TIMP2: variants seen among roughly 807,000 people sequenced by gnomAD.
TIMP2 encodes the protein metalloproteinase inhibitor 2.
In TIMP2, 5 loss-of-function variants were observed where a neutral mutation model predicts 24.3. That is an observed-to-expected ratio of 0.21 (90% CI 0.11 to 0.43). The LOEUF (loss-of-function observed/expected upper bound fraction) is 0.43. TIMP2 is among the 20% of genes least tolerant of loss of function. The pLI, the probability that TIMP2 is intolerant of heterozygous loss-of-function variation, is 1.00. For missense variants in TIMP2, 221 were observed against 297.5 expected, an observed-to-expected ratio of 0.74 and a Z score of 1.89; for synonymous variants, 130 against 123.2, an observed-to-expected ratio of 1.06 and a Z score of -0.37.
chr17:78,925,174 G>T lies in TIMP2; in HGVS notation c.-86C>A. 4 of 437,184 alleles carry T rather than the reference G, an allele frequency of 9.1e-6. No homozygotes were observed. The highest frequency in any genetic ancestry group is 1.2e-5 in the Non-Finnish European group (4 of 331,356). 27.1% of individuals were successfully genotyped at this position (437,184 alleles called of 1,614,324 possible). ...GCGGCGGGCTGGGGGCGCGGGCGGGGGCTGAGCCGGGGCCGAGGCGGGCCC... is the reference window on the plus strand; with the variant it reads ...GCGGCGGGCTGGGGGCGCGGGCGGGTGCTGAGCCGGGGCCGAGGCGGGCCC... On this transcript the variant is annotated 5_prime_UTR_variant, in exon 1 of 5. Transcript: ENST00000262768.
intron 1 of TIMP2, among the ~76,000 whole-genome samples, chr17:78,886,618 C>G (rs2069827498): frequency 6.6e-6 from 1 of 152,148 alleles, no homozygotes. Context: ...CAGTTTCCTT[C>G]TTAATCATGT....
At chr17:78,856,714 G>T (rs756234343) in intron 4 of TIMP2, 1 of 152,230 alleles carries the variant, frequency 6.6e-6, no homozygotes, top group South Asian at 2.1e-4. Flanking sequence ...CACAACCTCC[G>T]GGCTCATTTT....
intron 1 of TIMP2, among the ~76,000 whole-genome samples, chr17:78,918,076 A>ACATACT (rs2070277805): frequency 6.8e-6 from 1 of 146,208 alleles, no homozygotes; most frequent in Non-Finnish European, 1.5e-5. Flanking sequence ...ACACACACAC[A>ACATACT]CACACACACA....
At chr17:78,919,644 C>G (rs1008108593) in intron 1 of TIMP2, among the ~76,000 whole-genome samples, 1 of 152,134 alleles carries the variant, frequency 6.6e-6, no homozygotes, top group African/African-American at 2.4e-5. Context: ...ACCATCCCGG[C>G]TAACACGGTG....
intron 1 of TIMP2, among the ~76,000 whole-genome samples, chr17:78,885,746 A>G (rs2069820000): frequency 6.6e-6 from 1 of 151,838 alleles, no homozygotes; most frequent in African/African-American, 2.4e-5. Context: ...AAACCTTAAC[A>G]CTCTGCCCAG....
chr17:78,907,254 C>T (rs556866640), intron 1 of TIMP2, among the ~76,000 whole-genome samples: 2 of 149,554 alleles, frequency 1.3e-5, no homozygotes, highest in East Asian at 4.1e-4. Context: ...AGGCTGGTCT[C>T]GAACTCCTGG....
In TIMP2 at chr17:78,895,383, C is replaced by T. The variant is rs74949888; in HGVS notation, c.131-21464G>A. On this transcript the variant is annotated intron_variant, in intron 1 of 4. Coordinates refer to ENST00000262768, the MANE Select transcript of TIMP2 (RefSeq NM_003255.5). ...ATACAGCACATAAAAACATGTTCAA[C>T]GGCAGCGGTCTTTAGAGAAATGCAC... 2.8e-3 allele frequency among the ~76,000 whole-genome samples: 424 copies of T among 152,316 alleles called. 3 individuals are homozygous for T. Among genetic ancestry groups the T allele is most frequent in the East Asian group, 8.5e-3 (44 of 5,184 alleles).
chr17:78,870,483 C>T (rs915743247), intron 3 of TIMP2, among the ~76,000 whole-genome samples: 2 of 151,138 alleles, frequency 1.3e-5, no homozygotes, highest in Non-Finnish European at 2.9e-5. Flanking sequence ...CATTTTGTTA[C>T]GTATTATTTT....
At chr17:78,884,303 G>A (rs2069806532) in intron 1 of TIMP2, among the ~76,000 whole-genome samples, 1 of 152,186 alleles carries the variant, frequency 6.6e-6, no homozygotes, top group Non-Finnish European at 1.5e-5. Flanking sequence ...GCGCGAGGTG[G>A]GCAGGGCACT....
intron 1 of TIMP2, among the ~76,000 whole-genome samples, chr17:78,881,616 G>A (rs932339118): frequency 1.3e-5 from 2 of 152,246 alleles, no homozygotes; most frequent in African/African-American, 4.8e-5. Context: ...GGCTCTGGGT[G>A]GAATTACATG....
intron 1 of TIMP2, among the ~76,000 whole-genome samples, chr17:78,913,882 ACT>A (rs1599176548): frequency 8.4e-6 from 1 of 119,236 alleles, no homozygotes; most frequent in Non-Finnish European, 1.6e-5. Context: ...ACGGAGCGAA[ACT>A]CTGTCTCGGG....
At chr17:78,923,403 G>GT (rs1355505275) in intron 1 of TIMP2, among the ~76,000 whole-genome samples, 1 of 135,768 alleles carries the variant, frequency 7.4e-6, no homozygotes, top group Non-Finnish European at 1.6e-5. Context: ...GGGTGGGGGG[G>GT]GGGGCGGGAG....
intron 3 of TIMP2, among the ~76,000 whole-genome samples, chr17:78,865,575 G>A (rs1163768132): frequency 1.4e-5 from 2 of 146,586 alleles, no homozygotes; most frequent in East Asian, 4.0e-4. Context: ...GGTGAGTTGA[G>A]ACCACGCCAT....
chr17:78,886,590 A>G (rs2069827252), intron 1 of TIMP2, among the ~76,000 whole-genome samples: 1 of 152,184 alleles, frequency 6.6e-6, no homozygotes, highest in Non-Finnish European at 1.5e-5. Context: ...TTTGAAAAAC[A>G]GCAGCCCTCC....
In TIMP2 at chr17:78,891,010, C is replaced by G. The variant is rs770219042; in HGVS notation, c.131-17091G>C. On this transcript the variant is annotated intron_variant, in intron 1 of 4. Transcript: ENST00000262768. This position sits in a 1 kb window ranked among gnomAD's most constrained non-coding sequence, Gnocchi z 4.5. ...CTTTCTGCCTTTGCCTGGATGCCGTCGAGCCCACTCTGTCTGCCTGGTCTT... is the reference window on the plus strand; with the variant it reads ...CTTTCTGCCTTTGCCTGGATGCCGTGGAGCCCACTCTGTCTGCCTGGTCTT... 6.4e-7 allele frequency: 1 copy of G among 1,551,188 alleles called. No homozygotes were observed. The highest frequency in any genetic ancestry group is 8.7e-7 in the Non-Finnish European group (1 of 1,147,144).
At chr17:78,882,497 C>T (rs1261484830) in intron 1 of TIMP2, among the ~76,000 whole-genome samples, 4 of 152,224 alleles carry the variant, frequency 2.6e-5, no homozygotes, top group Admixed American at 2.0e-4. Context: ...GCTCTCAGAT[C>T]GCTGTGGGAT....
At chr17:78,865,869 T>A (rs1342265910) in intron 3 of TIMP2, among the ~76,000 whole-genome samples, 2 of 152,174 alleles carry the variant, frequency 1.3e-5, no homozygotes, top group Non-Finnish European at 2.9e-5. Flanking sequence ...CGGTGCTGGC[T>A]CAGACCAAGG....
intron 1 of TIMP2, among the ~76,000 whole-genome samples, chr17:78,894,797 C>G (rs780152989): frequency 6.6e-6 from 1 of 151,658 alleles, no homozygotes; most frequent in South Asian, 2.1e-4. Flanking sequence ...AACGGATAAG[C>G]TGAACATCAT....
At position 78,870,637 on chromosome 17, in the gene TIMP2, C is replaced by T. The variant is rs560251817; in HGVS notation, c.340+261G>A. ...GCATGTCTCCAGCATCCCGCACTCG[C>T]CTCCCTTTTAGGAACAAAAGGCAAA... On this transcript the variant is annotated intron_variant, in intron 3 of 4. Transcript: ENST00000262768. Among the ~76,000 whole-genome samples the T allele has an allele frequency of 5.9e-5, 9 of 152,236 alleles. No homozygotes were observed. The South Asian group carries it at 6.2e-4, about 11-fold the overall frequency.
Sources: gnomAD v4.1 joint callset for allele counts (sites outside exome capture counted in the v4.1 genomes callset) on GRCh38, gnomAD v4.1.1 for gene constraint, Gnocchi (gnomAD v3.1) non-coding constraint, MANE v1.5 for transcripts, NCBI Gene and HGNC (gene_info 2026-07-23, HGNC 2026-07-21) for gene names.